The following SEL1L variants were observed in gnomAD, a reference collection of about 807,000 sequenced individuals.
The protein encoded by SEL1L is protein sel-1 homolog 1.
SEL1L carries 52 observed loss-of-function variants against 109.8 expected under a neutral mutation model. The ratio of observed to expected loss-of-function variants is 0.47; its 90% CI spans 0.38 to 0.60. The LOEUF is 0.60. SEL1L is among the 20% of genes least tolerant of loss of function. The pLI is 0.00. For synonymous variants in SEL1L, 373 were observed against 339.6 expected (o/e 1.10, Z -1.08); for missense variants, 749 against 962.2 (o/e 0.78, Z 2.93).
chr14:81,487,417 C>G lies in SEL1L; in HGVS notation c.1605G>C (p.Val535=). The change falls in exon 16 of 21, where the codon GTG becomes GTC. Residue 535 remains valine, a synonymous_variant. Coordinates refer to ENST00000336735, the MANE Select transcript of SEL1L (RefSeq NM_005065.6). ...CCACTGCAGTGTGACATGATCGCAT[C>G]ACGCCGGTGCCACTGGCATGCATCT... is the stretch of plus-strand genomic sequence containing the variant. ...LAQMHASGTG[V]MRSCHTAVEL... 6.3e-7 allele frequency: 1 copy of G among 1,597,176 alleles called. No homozygotes were observed.
chr14:81,520,182 T>C (rs1566625188), intron 3 of SEL1L, among the ~76,000 whole-genome samples: 1 of 152,232 alleles, frequency 6.6e-6, no homozygotes, highest in Non-Finnish European at 1.5e-5. Context: ...GTCATATATA[T>C]GCATAAGTAC....
intron 15 of SEL1L, 100 bp from the exon 16 acceptor site, chr14:81,487,638 TCTTA>T: frequency 6.6e-7 from 1 of 1,523,240 alleles, no homozygotes; most frequent in Non-Finnish European, 8.8e-7. Context: ...ATGAAAGAAT[TCTTA>T]CTGAGTAAAT....
chr14:81,528,563 A>T (rs1166534461), intron 1 of SEL1L, among the ~76,000 whole-genome samples: 2 of 152,144 alleles, frequency 1.3e-5, no homozygotes, highest in Admixed American at 1.3e-4. Flanking sequence ...CAACAACTCA[A>T]TGTTCAGATG....
rs758594003 is a variant in SEL1L, at chr14:81,497,910, T to A, written c.1110A>T (p.Lys370Asn). 1 of 1,611,430 alleles carries A rather than the reference T, an allele frequency of 6.2e-7. No individual in the cohort carries two copies. The highest frequency in any genetic ancestry group is 1.7e-5 in the Admixed American group (1 of 59,698). ...LIQYYQFLAE[K>N]GDVQAQVGLG... ...CACGTACCTGTGCTTGTACATCACC[T>A]TTTTCAGCTAGGAACTGGTAATATT... The change falls in exon 10 of 21, where the codon AAA (lysine) becomes AAT (asparagine). Residue 370 changes from lysine to asparagine, a missense_variant. By Grantham distance (94) the Lys-to-Asn change is moderately conservative (BLOSUM62 0). Coordinates refer to ENST00000336735, the MANE Select transcript of SEL1L (RefSeq NM_005065.6).
intron 3 of SEL1L, among the ~76,000 whole-genome samples, chr14:81,523,475 G>A (rs1885002361): frequency 6.6e-6 from 1 of 151,946 alleles, no homozygotes; most frequent in Non-Finnish European, 1.5e-5. Flanking sequence ...CTTCCATCTG[G>A]CTTTTCGTCT....
At chr14:81,515,192 T>C (rs995198533) in intron 3 of SEL1L, among the ~76,000 whole-genome samples, 1 of 152,150 alleles carries the variant, frequency 6.6e-6, no homozygotes, top group African/African-American at 2.4e-5. Flanking sequence ...CTTCAAGCTG[T>C]AGGGGAGGGG....
chr14:81,520,285 A>G (rs1884857084), intron 3 of SEL1L, among the ~76,000 whole-genome samples: 1 of 152,200 alleles, frequency 6.6e-6, no homozygotes, highest in African/African-American at 2.4e-5. Flanking sequence ...AAATGTTTAT[A>G]AAGTTGTTGA....
At chr14:81,480,248 G>A (rs1032995614) in intron 19 of SEL1L, among the ~76,000 whole-genome samples, 9 of 152,046 alleles carry the variant, frequency 5.9e-5, no homozygotes, top group African/African-American at 1.7e-4. Context: ...GAGTGCAGTG[G>A]CGCGATCTCG....
chr14:81,533,748 C>G lies in SEL1L; in HGVS notation c.-4G>C. ...TCAGCCCTATCCGGACCCGCATCCT[C>G]CTCTCGGGGCCGGTGCCAACCCCTA... On this transcript the variant is annotated 5_prime_UTR_variant, in exon 1 of 21. Transcript: ENST00000336735. The G allele has an allele frequency of 6.2e-7, 1 of 1,612,884 alleles. No homozygotes were observed. The highest frequency in any genetic ancestry group is 1.1e-5 in the South Asian group (1 of 90,944).
At chr14:81,485,358 C>G (rs1389746395) in intron 18 of SEL1L, among the ~76,000 whole-genome samples, 1 of 152,156 alleles carries the variant, frequency 6.6e-6, no homozygotes, top group Non-Finnish European at 1.5e-5. Context: ...TCACTGTAAC[C>G]TCTGCCTCCC....
Position 81,475,634 on chromosome 14 carries a change from T to C in SEL1L, c.*1338A>G, listed in dbSNP as rs577874467. The C allele has an allele frequency of 6.6e-6, 1 of 152,322 alleles. No homozygotes were observed. Among genetic ancestry groups the C allele is most frequent in the South Asian group, 2.1e-4 (1 of 4,830 alleles). 9.4% of individuals were successfully genotyped at this position (152,322 alleles called of 1,614,324 possible). ...ATACAGGCTGGTGAACACCACCATC[T>C]GACAATAAAATGAAATACAAATTCA... On this transcript the variant is annotated 3_prime_UTR_variant, in exon 21 of 21. Transcript: ENST00000336735.
chr14:81,478,175 C>T (rs1903228713), intron 20 of SEL1L, among the ~76,000 whole-genome samples: 1 of 151,972 alleles, frequency 6.6e-6, no homozygotes, highest in South Asian at 2.1e-4. Context: ...TATAAAATTA[C>T]ATTTGAAAGA....
intron 15 of SEL1L, 35 bp downstream of exon 15, chr14:81,487,820 T>C (rs745351204): frequency 1.2e-6 from 2 of 1,609,224 alleles, no homozygotes; most frequent in Non-Finnish European, 1.7e-6. Context: ...AATTTAGATC[T>C]TGGTGTATCC....
chr14:81,481,369 C>T (rs1903350425), intron 19 of SEL1L, among the ~76,000 whole-genome samples: 1 of 152,162 alleles, frequency 6.6e-6, no homozygotes. Context: ...TCAGCTATTC[C>T]TTATTCTTGT....
At chr14:81,517,080 TAAG>T (rs1256572762) in intron 3 of SEL1L, among the ~76,000 whole-genome samples, 1 of 152,170 alleles carries the variant, frequency 6.6e-6, no homozygotes, top group African/African-American at 2.4e-5. Context: ...GTGAAAGCGT[TAAG>T]AAGAGGAAGG....
rs190182640 is a variant in SEL1L, at chr14:81,480,403, A to G, written c.2047-663T>C. Among the ~76,000 whole-genome samples the G allele has an allele frequency of 2.2e-3, 329 of 152,170 alleles. 2 individuals carry two copies. The Middle Eastern group carries it at 0.037, about 17-fold the overall frequency. On this transcript the variant is annotated intron_variant, in intron 19 of 20. Coordinates refer to ENST00000336735, the MANE Select transcript of SEL1L (RefSeq NM_005065.6). ...ACGGGGTTTCACCGTGTTCGCCAGGATGGTCTCGATCTCCTGACCTCGTAA... is the reference window on the plus strand; with the variant it reads ...ACGGGGTTTCACCGTGTTCGCCAGGGTGGTCTCGATCTCCTGACCTCGTAA...
intron 9 of SEL1L, 168 bp from the exon 10 acceptor site, chr14:81,498,214 A>G: frequency 1.2e-5 from 10 of 844,550 alleles, no homozygotes; most frequent in Non-Finnish European, 1.8e-5. Context: ...AATAAATTGA[A>G]CTTTTTTCAC....
rs933008185 is a variant in SEL1L, at chr14:81,476,193, C to T, written c.*779G>A. Reference sequence around the variant, plus strand: ...GGATCAAGGCTCTGTATATTCAAAACAAACAAGCAAATTACAGAGTAGGTG... The same window carrying T: ...GGATCAAGGCTCTGTATATTCAAAATAAACAAGCAAATTACAGAGTAGGTG... On this transcript the variant is annotated 3_prime_UTR_variant, in exon 21 of 21. Coordinates refer to ENST00000336735, the MANE Select transcript of SEL1L (RefSeq NM_005065.6). 2 of 152,310 alleles carry T rather than the reference C, an allele frequency of 1.3e-5. No individual in the cohort carries two copies. Among genetic ancestry groups the T allele is most frequent in the Admixed American group, 6.5e-5 (1 of 15,296 alleles). The allele number at this position is 152,310 out of a possible 1,614,324, so 9.4% of individuals were successfully genotyped here.
rs770121773 is a variant in SEL1L, at chr14:81,527,728, G to T, written c.81C>A (p.Gly27=). 5 of 1,601,424 alleles carry T rather than the reference G, an allele frequency of 3.1e-6. No homozygotes were observed. In the South Asian group the frequency reaches 4.5e-5, roughly 14 times the overall value. The change falls in exon 2 of 21, where the codon GGC becomes GGA. Residue 27 remains glycine (G), a synonymous_variant. Transcript: ENST00000336735. ...SLASASSDEE[G]SQDESLDSKT... is the part of the protein sequence containing the mutation. ...TGGAATCTAAGGATTCATCCTGGCT[G>T]CCTTCTTCATCTGCAAAGAAATTTT...
Sources: allele counts gnomAD v4.1 joint callset (sites outside exome capture counted in the v4.1 genomes callset), GRCh38; gene constraint gnomAD v4.1.1; transcripts MANE v1.5; gene names NCBI Gene and HGNC (gene_info 2026-07-23, HGNC 2026-07-21).